Variants in FAM107B observed in about 807,000 individuals in gnomAD.
FAM107B encodes the protein protein FAM107B.
In FAM107B, 21 loss-of-function variants were observed where a neutral mutation model predicts 31.5. The ratio of observed to expected loss-of-function variants is 0.67; its 90% confidence interval spans 0.47 to 0.96. The LOEUF (loss-of-function observed/expected upper bound fraction) is 0.96, where lower values mean the gene tolerates loss of function less well. Ranked by LOEUF, FAM107B falls within the 40% of genes least tolerant of loss-of-function variation. The pLI is 0.00. For synonymous variants in FAM107B, 157 were observed against 141.5 expected (o/e 1.11, Z -0.78); for missense variants, 452 against 377.1 (o/e 1.20, Z -1.64).
At chr10:14,573,144 G>A (rs1219970046) in intron 2 of FAM107B, among the ~76,000 whole-genome samples, 1 of 152,088 alleles carries the variant, frequency 6.6e-6, no homozygotes, top group Non-Finnish European at 1.5e-5. Flanking sequence ...GTGCACTGTG[G>A]AGAGAAACAG....
intron 1 of FAM107B, among the ~76,000 whole-genome samples, chr10:14,678,054 G>A (rs1854732458): frequency 6.6e-6 from 1 of 152,160 alleles, no homozygotes; most frequent in Non-Finnish European, 1.5e-5. Context: ...AGAAATCATG[G>A]AACTTGCCCA....
intron 2 of FAM107B, among the ~76,000 whole-genome samples, chr10:14,575,574 G>C (rs1490568646): frequency 3.3e-5 from 5 of 152,136 alleles, no homozygotes; most frequent in African/African-American, 1.2e-4. Context: ...TGGACACCAA[G>C]GGAATACCAC....
chr10:14,645,303 T>C (rs748551736), intron 2 of FAM107B, among the ~76,000 whole-genome samples: 1 of 152,208 alleles, frequency 6.6e-6, no homozygotes, highest in Non-Finnish European at 1.5e-5. Flanking sequence ...TTCTCCACTT[T>C]ATAAATCTTC....
At chr10:14,700,232 C>T (rs1203318402) in intron 1 of FAM107B, among the ~76,000 whole-genome samples, 1 of 152,158 alleles carries the variant, frequency 6.6e-6, no homozygotes, top group Non-Finnish European at 1.5e-5. Flanking sequence ...CGCGCCAGGC[C>T]AGGCGTCCCT....
intron 2 of FAM107B, among the ~76,000 whole-genome samples, chr10:14,616,280 T>A (rs1175591725): frequency 2.6e-5 from 4 of 152,168 alleles, no homozygotes; most frequent in Non-Finnish European, 5.9e-5. Flanking sequence ...AAAATCTGAT[T>A]AGCAGTTCTA....
intron 1 of FAM107B, among the ~76,000 whole-genome samples, chr10:14,752,164 TG>T (rs1470869632): frequency 6.6e-5 from 10 of 152,220 alleles, no homozygotes; most frequent in African/African-American, 1.9e-4. Flanking sequence ...CCATGGGCTG[TG>T]GCCAGAGAGA....
intron 2 of FAM107B, among the ~76,000 whole-genome samples, chr10:14,546,996 T>C (rs1183073062): frequency 2.6e-5 from 4 of 152,284 alleles, no homozygotes; most frequent in Admixed American, 1.3e-4. Context: ...ATAAAAGTTG[T>C]TGGATACCCA....
chr10:14,721,767 T>A (rs1439503842), intron 1 of FAM107B, among the ~76,000 whole-genome samples: 2 of 152,244 alleles, frequency 1.3e-5, no homozygotes, highest in Admixed American at 6.5e-5. Context: ...ATGGGTAGAT[T>A]GCAAAAATTT....
intron 2 of FAM107B, 89 bp downstream of exon 2, chr10:14,667,545 C>T: frequency 7.5e-7 from 1 of 1,341,892 alleles, no homozygotes; most frequent in Non-Finnish European, 1.0e-6. Context: ...TACAGGTTTT[C>T]CTTTGCAATC....
intron 2 of FAM107B, among the ~76,000 whole-genome samples, chr10:14,544,652 A>C (rs1848535275): frequency 6.6e-6 from 1 of 152,178 alleles, no homozygotes. Context: ...CAGTAATTCC[A>C]CTTTTAGGAA....
intron 1 of FAM107B, among the ~76,000 whole-genome samples, chr10:14,769,867 A>T (rs186415580): frequency 1.3e-5 from 2 of 152,234 alleles, no homozygotes; most frequent in East Asian, 3.9e-4. Context: ...TAGTGTGTGA[A>T]CTCTCCCTTT....
At chr10:14,687,313 G>C (rs1387097054) in intron 1 of FAM107B, among the ~76,000 whole-genome samples, 2 of 152,030 alleles carry the variant, frequency 1.3e-5, no homozygotes, top group Non-Finnish European at 2.9e-5. Context: ...GCAACCTCAC[G>C]GTCAAATAAA....
chr10:14,563,966 T>G (rs1291980587), intron 2 of FAM107B, among the ~76,000 whole-genome samples: 1 of 152,062 alleles, frequency 6.6e-6, no homozygotes, highest in African/African-American at 2.4e-5. Context: ...ATCTCATACT[T>G]TTTTTTGTTT....
intron 2 of FAM107B, among the ~76,000 whole-genome samples, chr10:14,579,685 G>A (rs1370878817): frequency 6.6e-6 from 1 of 152,208 alleles, no homozygotes; most frequent in South Asian, 2.1e-4. Flanking sequence ...GGAGATAAGA[G>A]GAGGATAAAA....
intron 2 of FAM107B, among the ~76,000 whole-genome samples, chr10:14,606,705 C>T (rs2131385830): frequency 6.6e-6 from 1 of 152,172 alleles, no homozygotes; most frequent in East Asian, 1.9e-4. Context: ...CTCTCCCTCC[C>T]TCCTTCCCCT....
chr10:14,633,591 A>C (rs946157625), intron 2 of FAM107B, among the ~76,000 whole-genome samples: 1 of 152,216 alleles, frequency 6.6e-6, no homozygotes, highest in Admixed American at 6.5e-5. Flanking sequence ...TATACCAGCT[A>C]ATCTGTAATC....
chr10:14,750,489 G>A (rs12354818), intron 1 of FAM107B, among the ~76,000 whole-genome samples: 12,835 of 152,156 alleles, frequency 0.084, 562 homozygotes, highest in South Asian at 0.11. Context: ...GTGCACACCT[G>A]TAATCCCAGC....
chr10:14,687,397 T>C (rs532769707), intron 1 of FAM107B, among the ~76,000 whole-genome samples: 38 of 152,342 alleles, frequency 2.5e-4, no homozygotes, highest in African/African-American at 9.1e-4. Flanking sequence ...TTCAACACTC[T>C]TGTTATTTGG....
At chr10:14,546,214 A>T (rs999852059) in intron 2 of FAM107B, among the ~76,000 whole-genome samples, 4 of 152,212 alleles carry the variant, frequency 2.6e-5, no homozygotes, top group African/African-American at 9.7e-5. Context: ...CTAAGTTAAG[A>T]GAGTGGCAAA....
Sources: allele counts gnomAD v4.1 joint callset (sites outside exome capture counted in the v4.1 genomes callset), GRCh38; gene constraint gnomAD v4.1.1; transcripts MANE v1.5; gene names NCBI Gene and HGNC (gene_info 2026-07-23, HGNC 2026-07-21).